The following TCN2 variants were observed in gnomAD, a reference collection of about 807,000 sequenced individuals.
The protein encoded by TCN2 is transcobalamin-2.
In TCN2, 34 loss-of-function variants were observed where a neutral mutation model predicts 48.6. The observed-to-expected ratio is 0.70, with a 90% CI of 0.53 to 0.93. The LOEUF (loss-of-function observed/expected upper bound fraction) is 0.93. Among genes scored for constraint, TCN2 ranks in the 40% least tolerant of loss-of-function variants. The probability of loss-of-function intolerance (pLI) is 0.00; values close to 1 mark genes in which losing one functional copy is unlikely to be tolerated. For missense variants in TCN2, 652 were observed against 526.1 expected, an observed-to-expected ratio of 1.24 and a Z score of -2.34; for synonymous variants, 283 against 212.5, an observed-to-expected ratio of 1.33 and a Z score of -2.89.
At chr22:30,624,811 C>T (rs183908368) in intron 8 of TCN2, among the ~76,000 whole-genome samples, 4 of 152,332 alleles carry the variant, frequency 2.6e-5, no homozygotes, top group African/African-American at 7.2e-5. Context: ...ATAAATCACT[C>T]CTCTATCTTC....
Position 30,614,434 on chromosome 22 carries a change from C to A in TCN2, c.513C>A (p.Val171=). The change falls in exon 4 of 9, where the codon GTC becomes GTA. Residue 171 remains valine (V), a synonymous_variant. Transcript: ENST00000215838. ...ILALCLHQKR[V]HDSVVDKLLY... ...CCCTGTGTCTCCACCAGAAGCGGGT[C>A]CATGACAGCGTGGTGGACAAACTTC... 1 of 1,614,162 alleles carries A rather than the reference C, an allele frequency of 6.2e-7. No homozygotes were observed. The highest frequency in any genetic ancestry group is 1.7e-5 in the Admixed American group (1 of 60,020).
intron 1 of TCN2, among the ~76,000 whole-genome samples, chr22:30,608,835 T>A (rs2087492336): frequency 6.6e-6 from 1 of 152,186 alleles, no homozygotes. Context: ...TCCTGGCTGA[T>A]CTGGTCCTCA....
intron 8 of TCN2, 80 bp downstream of exon 8, chr22:30,623,163 C>T: frequency 7.2e-7 from 1 of 1,396,274 alleles, no homozygotes; most frequent in South Asian, 1.2e-5. Flanking sequence ...CTCACCCCAG[C>T]TTTCCCTAGC....
chr22:30,620,288 C>T (rs182966057), intron 7 of TCN2, among the ~76,000 whole-genome samples: 2 of 152,160 alleles, frequency 1.3e-5, no homozygotes, highest in Non-Finnish European at 2.9e-5. Flanking sequence ...CCCGTCTCTA[C>T]CACACACAAA....
chr22:30,619,731 C>CT (rs1225007363), intron 7 of TCN2, among the ~76,000 whole-genome samples: 1 of 152,208 alleles, frequency 6.6e-6, no homozygotes, highest in Non-Finnish European at 1.5e-5. Flanking sequence ...CCTTCGGGTC[C>CT]TCTAGGCTAG....
At chr22:30,614,600 C>T in intron 4 of TCN2, 99 bp downstream of exon 4, 3 of 1,524,914 alleles carry the variant, frequency 2.0e-6, no homozygotes, top group East Asian at 2.4e-5. Context: ...CTCACCTTTC[C>T]TTGGGGCTCC....
Position 30,611,035 on chromosome 22 carries a change from A to G in TCN2, c.229A>G (p.Lys77Glu), listed in dbSNP as rs1210639626. 2 of 1,614,066 alleles carry G rather than the reference A, an allele frequency of 1.2e-6. No homozygotes were observed. Among genetic ancestry groups the G allele is most frequent in the Admixed American group, 3.3e-5 (2 of 60,008 alleles). The change falls in exon 2 of 9, where the codon AAG becomes GAG. Residue 77 changes from lysine (K) to glutamate (E), a missense_variant. Coordinates refer to ENST00000215838, the MANE Select transcript of TCN2 (RefSeq NM_000355.4). ...TKEDLYLHSLKLGYQQCLLGS... is the reference protein window; with the variant it reads ...TKEDLYLHSLELGYQQCLLGS... ...GGAAGACCTCTACCTGCACAGCCTC[A>G]AGCTTGGTTACCAGCAGTGCCTCCT...
chr22:30,612,072 TAAAA>T (rs897759806), intron 2 of TCN2, among the ~76,000 whole-genome samples: 3 of 150,914 alleles, frequency 2.0e-5, no homozygotes, highest in Admixed American at 6.6e-5. Context: ...CCACATCTCT[TAAAA>T]AAAAGAAAAA....
At position 30,612,977 on chromosome 22, in the gene TCN2, G is replaced by A. The variant is rs1602045889; in HGVS notation, c.362G>A (p.Gly121Asp). ...AGAGCCAACTGTGAGTTTGTCAGGGGCCACAAGGGGGACAGGCTGGTCTCA... is the reference window on the plus strand; with the variant it reads ...AGAGCCAACTGTGAGTTTGTCAGGGACCACAAGGGGGACAGGCTGGTCTCA... ...ALRANCEFVRGHKGDRLVSQL... is the reference protein window; with the variant it reads ...ALRANCEFVRDHKGDRLVSQL... Residue 121 changes from glycine (G) to aspartate (D), a missense_variant, in exon 3 of 9, where the codon GGC becomes GAC. Gly to Asp is a moderately conservative substitution (Grantham distance 94). Coordinates refer to ENST00000215838, the MANE Select transcript of TCN2 (RefSeq NM_000355.4). 3 of 1,614,198 alleles carry A rather than the reference G, an allele frequency of 1.9e-6. No homozygotes were observed. The highest frequency in any genetic ancestry group is 2.5e-6 in the Non-Finnish European group (3 of 1,180,032).
chr22:30,611,206 T>A, intron 2 of TCN2, 143 bp downstream of exon 2: 3 of 995,702 alleles, frequency 3.0e-6, no homozygotes, highest in Non-Finnish European at 4.7e-6. Context: ...CCTTTGTCCA[T>A]CTATAGAATG....
rs2087756209 is a variant in TCN2, at chr22:30,623,941, C to CACATATATATGTATACATATAT, written c.1222+861_1222+862insTATATATGTATACATATATACA. 2.2e-5 allele frequency among the ~76,000 whole-genome samples: 2 copies of CACATATATATGTATACATATAT among 90,694 alleles called. 1 individual carries two copies. Among genetic ancestry groups the CACATATATATGTATACATATAT allele is most frequent in the Admixed American group, 2.3e-4 (2 of 8,726 alleles). The allele number at this position is 90,694 out of a possible 152,430, so 59.5% of individuals were successfully genotyped here. On this transcript the variant is annotated intron_variant, in intron 8 of 8. Transcript: ENST00000215838. ...ACATATATATGTATACATATATACA[C>CACATATATATGTATACATATAT]ACACACATATGTATACATATATACA...
chr22:30,617,218 TGAG>T, intron 6 of TCN2, 109 bp from the exon 7 acceptor site: 1 of 1,444,174 alleles, frequency 6.9e-7, no homozygotes, highest in African/African-American at 1.4e-5. Flanking sequence ...TTGATGGAGA[TGAG>T]GACATGGGGA....
rs1569046817 is a variant in TCN2, at chr22:30,623,915, C to CATATATGTAT, written c.1222+833_1222+834insTATATGTATA. Among the ~76,000 whole-genome samples, 4 of 97,190 alleles carry CATATATGTAT rather than the reference C, an allele frequency of 4.1e-5. 1 individual carries two copies. The highest frequency in any genetic ancestry group is 7.2e-5 in the Non-Finnish European group (4 of 55,762). 63.8% of individuals were successfully genotyped at this position (97,190 alleles called of 152,430 possible). A position where few individuals can be genotyped will look rare whatever the true frequency, so the allele number is the denominator to read the frequency against. On this transcript the variant is annotated intron_variant, in intron 8 of 8. Transcript: ENST00000215838. Reference sequence around the variant, plus strand: ...ATATATATGTATACATATATATACACACATATATATGTATACATATATACA... The same window carrying CATATATGTAT: ...ATATATATGTATACATATATATACACATATATGTATACATATATATGTATACATATATACA...
At chr22:30,623,291 G>C in intron 8 of TCN2, 6 of 417,916 alleles carry the variant, frequency 1.4e-5, no homozygotes, top group African/African-American at 2.3e-5. Flanking sequence ...AAACCAGACA[G>C]ATTACAAAAA....
chr22:30,617,039 A>C (rs2087621580), intron 6 of TCN2, among the ~76,000 whole-genome samples: 1 of 151,910 alleles, frequency 6.6e-6, no homozygotes, highest in Non-Finnish European at 1.5e-5. Context: ...TAGGTGCCAG[A>C]GAGGTGGGAG....
At chr22:30,624,595 G>A (rs2145561050) in intron 8 of TCN2, among the ~76,000 whole-genome samples, 1 of 152,240 alleles carries the variant, frequency 6.6e-6, no homozygotes, top group Non-Finnish European at 1.5e-5. Flanking sequence ...GCTACAGATG[G>A]AGACCCCAAG....
chr22:30,622,346 A>G (rs1451588031), intron 7 of TCN2, among the ~76,000 whole-genome samples: 3 of 152,146 alleles, frequency 2.0e-5, no homozygotes, highest in South Asian at 4.1e-4. Context: ...GAGTGCAGAA[A>G]CTCAAAGTTG....
intron 7 of TCN2, among the ~76,000 whole-genome samples, chr22:30,621,308 C>CA (rs1316079868): frequency 1.3e-5 from 2 of 151,928 alleles, no homozygotes; most frequent in South Asian, 4.2e-4. Context: ...TTCTTAAAAC[C>CA]AAAAAAATCC....
At chr22:30,608,538 A>G (rs992111782) in intron 1 of TCN2, among the ~76,000 whole-genome samples, 2 of 151,998 alleles carry the variant, frequency 1.3e-5, no homozygotes, top group African/African-American at 2.4e-5. Context: ...GCATGTGCAT[A>G]CTACCATGCT....
Sources: gnomAD v4.1 joint callset for allele counts (sites outside exome capture counted in the v4.1 genomes callset) on GRCh38, gnomAD v4.1.1 for gene constraint, MANE v1.5 for transcripts, NCBI Gene and HGNC (gene_info 2026-07-23, HGNC 2026-07-21) for gene names.